The following NECAB1 variants were observed in gnomAD, a reference collection of about 807,000 sequenced individuals.
The protein encoded by NECAB1 is N-terminal EF-hand calcium binding protein 1.
A neutral mutation model predicts 57.5 loss-of-function variants in NECAB1; 29 were observed. That is an observed-to-expected ratio of 0.50 (90% CI 0.38 to 0.69). The LOEUF is 0.69. Ranked by LOEUF, NECAB1 falls within the 30% of genes least tolerant of loss-of-function variation. The pLI, the probability that NECAB1 is intolerant of heterozygous loss-of-function variation, is 0.00. For missense variants in NECAB1, 372 were observed against 413.8 expected, an observed-to-expected ratio of 0.90 and a Z score of 0.88; for synonymous variants, 142 against 147.7, an observed-to-expected ratio of 0.96 and a Z score of 0.28.
At chr8:90,947,577 T>G (rs890464053) in intron 10 of NECAB1, among the ~76,000 whole-genome samples, 5 of 152,034 alleles carry the variant, frequency 3.3e-5, no homozygotes, top group African/African-American at 1.2e-4. Flanking sequence ...ATTTTTGTAT[T>G]TTTAGTAGAG....
chr8:90,918,900 G>A (rs1810039898), intron 6 of NECAB1, among the ~76,000 whole-genome samples: 1 of 152,170 alleles, frequency 6.6e-6, no homozygotes, highest in Middle Eastern at 3.4e-3. Context: ...TTAATTTGGT[G>A]TAATTTTGAA....
At chr8:90,936,441 G>A (rs1586141291) in intron 9 of NECAB1, among the ~76,000 whole-genome samples, 1 of 152,130 alleles carries the variant, frequency 6.6e-6, no homozygotes, top group Admixed American at 6.6e-5. Context: ...AAATGAGGTA[G>A]TGCTATCCTC....
chr8:90,917,840 CTA>C (rs34288387), intron 6 of NECAB1, among the ~76,000 whole-genome samples: 504 of 47,228 alleles, frequency 0.011, 17 homozygotes, highest in East Asian at 0.043. Flanking sequence ...ATTTAGTAAA[CTA>C]TATATATATA....
chr8:90,841,986 G>A (rs1342950908), intron 3 of NECAB1, among the ~76,000 whole-genome samples: 1 of 152,182 alleles, frequency 6.6e-6, no homozygotes, highest in Non-Finnish European at 1.5e-5. Context: ...GCAACATGAT[G>A]AGAACACATG....
Position 90,824,834 on chromosome 8 carries a change from CTT to C in NECAB1, c.233+14_233+15del. On this transcript the variant is annotated intron_variant, in intron 3 of 12. Coordinates refer to ENST00000417640, the MANE Select transcript of NECAB1 (RefSeq NM_022351.5). ...GATACACATAATACTAAGTAAGAAACTTTTTTATCACTGGATTCCACAAGTGA... is the reference window on the plus strand; with the variant it reads ...GATACACATAATACTAAGTAAGAAACTTTTATCACTGGATTCCACAAGTGA... 1 of 1,402,340 alleles carries C rather than the reference CTT, an allele frequency of 7.1e-7. No individual in the cohort carries two copies. The highest frequency in any genetic ancestry group is 9.7e-7 in the Non-Finnish European group (1 of 1,027,768). The allele number at this position is 1,402,340 out of a possible 1,614,324, so 86.9% of individuals were successfully genotyped here.
chr8:90,878,422 G>A (rs112624936), intron 4 of NECAB1, among the ~76,000 whole-genome samples: 95 of 152,262 alleles, frequency 6.2e-4, no homozygotes, highest in African/African-American at 2.3e-3. Flanking sequence ...TATGTTGGAT[G>A]TGTCTGGCTC....
chr8:90,841,952 G>A (rs1320477461), intron 3 of NECAB1, among the ~76,000 whole-genome samples: 1 of 152,144 alleles, frequency 6.6e-6, no homozygotes, highest in African/African-American at 2.4e-5. Context: ...ACCAAATACT[G>A]CATGTTCTCA....
intron 3 of NECAB1, among the ~76,000 whole-genome samples, chr8:90,834,415 C>T (rs1310131582): frequency 6.6e-6 from 1 of 152,012 alleles, no homozygotes; most frequent in East Asian, 1.9e-4. Flanking sequence ...ATAAGGATTC[C>T]ACCCTCATGA....
intron 5 of NECAB1, among the ~76,000 whole-genome samples, chr8:90,890,446 A>G (rs1349805586): frequency 6.6e-6 from 1 of 152,160 alleles, no homozygotes; most frequent in Non-Finnish European, 1.5e-5. Flanking sequence ...TTTATAAATG[A>G]CTTAATCTTG....
intron 3 of NECAB1, among the ~76,000 whole-genome samples, chr8:90,865,719 G>A (rs1356273153): frequency 6.6e-6 from 1 of 152,184 alleles, no homozygotes; most frequent in Non-Finnish European, 1.5e-5. Flanking sequence ...AGCAAGGCCT[G>A]TGTTTGTGCT....
intron 10 of NECAB1, among the ~76,000 whole-genome samples, chr8:90,945,748 A>G (rs913768450): frequency 2.6e-5 from 4 of 152,118 alleles, no homozygotes; most frequent in Admixed American, 6.5e-5. Flanking sequence ...CCCAGAAGCC[A>G]TTTCACTGAC....
intron 8 of NECAB1, among the ~76,000 whole-genome samples, chr8:90,929,453 AAGATAACCCTACAGATCTAAAT>A: frequency 6.6e-6 from 1 of 152,348 alleles, no homozygotes; most frequent in East Asian, 1.9e-4. Context: ...GTCAGAAGAC[AAGATAACCCTACAGATCTAAAT>A]AGCAAGAAAT....
chr8:90,929,491 A>G (rs1056282951), intron 8 of NECAB1, among the ~76,000 whole-genome samples: 1 of 152,186 alleles, frequency 6.6e-6, no homozygotes, highest in African/African-American at 2.4e-5. Context: ...GAAATAGTCA[A>G]CAGTCTCTGA....
intron 3 of NECAB1, among the ~76,000 whole-genome samples, chr8:90,864,951 T>C (rs888098158): frequency 2.6e-5 from 4 of 151,950 alleles, no homozygotes; most frequent in Admixed American, 6.6e-5. Context: ...AATACATCTA[T>C]GCACATGTCT....
intron 3 of NECAB1, among the ~76,000 whole-genome samples, chr8:90,848,891 C>T (rs1812623788): frequency 1.3e-5 from 2 of 152,086 alleles, no homozygotes; most frequent in Non-Finnish European, 2.9e-5. Flanking sequence ...GTGGAGGTTG[C>T]AGTGAGCCAA....
intron 5 of NECAB1, among the ~76,000 whole-genome samples, chr8:90,898,525 A>G (rs1809418891): frequency 1.3e-5 from 2 of 152,182 alleles, no homozygotes; most frequent in Admixed American, 6.5e-5. Flanking sequence ...CAGAAGTAGC[A>G]GCTCCAAGTG....
At chr8:90,951,271 A>T (rs775201322) in intron 12 of NECAB1, 67 bp downstream of exon 12, 2 of 872,404 alleles carry the variant, frequency 2.3e-6, no homozygotes, top group Non-Finnish European at 3.7e-6. Context: ...TTCGTAAAAG[A>T]TAGTATGCTC....
intron 11 of NECAB1, among the ~76,000 whole-genome samples, chr8:90,950,829 C>T (rs777724434): frequency 1.3e-5 from 2 of 151,940 alleles, no homozygotes; most frequent in East Asian, 3.8e-4. Flanking sequence ...TGTTTTTAAA[C>T]AAGATATATT....
intron 2 of NECAB1, among the ~76,000 whole-genome samples, chr8:90,807,765 T>A (rs1719236225): frequency 6.6e-6 from 1 of 152,216 alleles, no homozygotes; most frequent in East Asian, 1.9e-4. Context: ...GGTTCTCACA[T>A]AGCTCTGTAC....
Sources: allele counts gnomAD v4.1 joint callset (sites outside exome capture counted in the v4.1 genomes callset), GRCh38; gene constraint gnomAD v4.1.1; transcripts MANE v1.5; gene names NCBI Gene and HGNC (gene_info 2026-07-23, HGNC 2026-07-21).